LRP6: variants seen among roughly 807,000 people sequenced by gnomAD.
The protein encoded by LRP6 is LDL receptor related protein 6, also known as low-density lipoprotein receptor-related protein 6.
In LRP6, 43 loss-of-function variants were observed where a neutral mutation model predicts 184.1. That is an observed-to-expected ratio of 0.23 (90% confidence interval 0.18 to 0.30). The LOEUF (loss-of-function observed/expected upper bound fraction) is 0.30, where lower values mean the gene tolerates loss of function less well. Ranked by LOEUF, LRP6 falls within the 10% of genes least tolerant of loss-of-function variation. LRP6 has a pLI of 1.00. For synonymous variants in LRP6, 719 were observed against 684.9 expected (o/e 1.05, Z -0.78); for missense variants, 1,571 against 2,005.3 (o/e 0.78, Z 4.14).
At chr12:12,147,644 GT>G (rs1193332136) in intron 14 of LRP6, 88 bp from the exon 15 acceptor site, 1 of 1,061,738 alleles carries the variant, frequency 9.4e-7, no homozygotes, top group African/African-American at 1.6e-5. Flanking sequence ...TGGAGGTAGA[GT>G]ATTTTTAAGT....
chr12:12,161,237 C>T (rs555729326), intron 10 of LRP6, among the ~76,000 whole-genome samples: 26 of 152,266 alleles, frequency 1.7e-4, no homozygotes, highest in Non-Finnish European at 3.1e-4. Context: ...GTAGCAAATA[C>T]AGTAAACATA....
Position 12,120,009 on chromosome 12 carries a change from AT to A in LRP6, c.*1116del, listed in dbSNP as rs1462476361. Reference sequence around the variant, plus strand: ...AAACAAAATATATATATATATATATATATATATATATATATATATATATATA... The same window carrying A: ...AAACAAAATATATATATATATATATAATATATATATATATATATATATATA... On this transcript the variant is annotated 3_prime_UTR_variant, in exon 23 of 23. Coordinates refer to ENST00000261349, the MANE Select transcript of LRP6 (RefSeq NM_002336.3). The A allele has an allele frequency of 4.2e-5, 4 of 94,164 alleles. No individual in the cohort carries two copies. The highest frequency in any genetic ancestry group is 2.0e-4 in the Admixed American group (2 of 10,166). The allele number at this position is 94,164 out of a possible 1,614,324, so 5.8% of individuals were successfully genotyped here.
chr12:12,258,932 G>A (rs1865541659), intron 1 of LRP6, among the ~76,000 whole-genome samples: 1 of 152,074 alleles, frequency 6.6e-6, no homozygotes, highest in African/African-American at 2.4e-5. Context: ...GATAAAGGTA[G>A]GTTTCCAATA....
chr12:12,161,891 TAC>T (rs1371114940), intron 10 of LRP6, among the ~76,000 whole-genome samples: 3 of 152,148 alleles, frequency 2.0e-5, no homozygotes. Context: ...TGCAAGCAAC[TAC>T]AGATGGATAA....
In LRP6 at chr12:12,130,797, T is replaced by A. The variant is rs376168250; in HGVS notation, c.4067A>T (p.Asp1356Val). 3 of 1,608,310 alleles carry A rather than the reference T, an allele frequency of 1.9e-6. No individual in the cohort carries two copies. Among genetic ancestry groups the A allele is most frequent in the Non-Finnish European group, 2.6e-6 (3 of 1,174,724 alleles). ...GTCCTACTTACAACAATCCAGTTCATCTGACTTGTCACTGCAATCCACATT... is the reference window on the plus strand; with the variant it reads ...GTCCTACTTACAACAATCCAGTTCAACTGACTTGTCACTGCAATCCACATT... Reference protein sequence around the residue: ...DHNVDCSDKSDELDCYPTEEP... With the variant: ...DHNVDCSDKSVELDCYPTEEP... The change falls in exon 19 of 23, where the codon GAT (aspartate) becomes GTT (valine). Residue 1356 changes from aspartate to valine, a missense_variant. Transcript: ENST00000261349.
chr12:12,167,580 T>C (rs1862918301), intron 7 of LRP6, among the ~76,000 whole-genome samples: 1 of 151,536 alleles, frequency 6.6e-6, no homozygotes, highest in African/African-American at 2.4e-5. Flanking sequence ...GAGGCAGAGG[T>C]TGCAGTGTGC....
chr12:12,231,080 C>G (rs1162109555), intron 2 of LRP6, among the ~76,000 whole-genome samples: 2 of 140,728 alleles, frequency 1.4e-5, no homozygotes, highest in Admixed American at 1.6e-4. Context: ...ACTTGGGAGG[C>G]TGAGGCAGGA....
rs185858632 is a variant in LRP6, at chr12:12,196,301, C to G, written c.647+6902G>C. 2.4e-3 allele frequency among the ~76,000 whole-genome samples: 361 copies of G among 151,882 alleles called. 3 individuals are homozygous for G. The highest frequency in any genetic ancestry group is 8.5e-3 in the African/African-American group (354 of 41,430). On this transcript the variant is annotated intron_variant, in intron 3 of 22. Transcript: ENST00000261349. ...GCTTTGGGTAGTACGGTCATTTTAA[C>G]TATAATAATTATTCCAATCCATGAG...
intron 2 of LRP6, among the ~76,000 whole-genome samples, chr12:12,207,071 T>C (rs1417145012): frequency 3.3e-5 from 5 of 152,236 alleles, no homozygotes; most frequent in Non-Finnish European, 7.3e-5. Context: ...GGGCTATTCC[T>C]ATCCCCATCT....
At chr12:12,237,543 A>C (rs1410803316) in intron 2 of LRP6, among the ~76,000 whole-genome samples, 2 of 152,246 alleles carry the variant, frequency 1.3e-5, no homozygotes, top group African/African-American at 2.4e-5. Context: ...CAGTGAAAAA[A>C]AAACTAGCAG....
chr12:12,189,795 C>T (rs1458297575), intron 3 of LRP6, among the ~76,000 whole-genome samples: 1 of 152,194 alleles, frequency 6.6e-6, no homozygotes, highest in Admixed American at 6.5e-5. Context: ...GCCACCGAGC[C>T]CGGCCTTAAC....
At position 12,262,385 on chromosome 12, in the gene LRP6, C is replaced by A. The variant is rs559471111; in HGVS notation, c.55+4296G>T. Among the ~76,000 whole-genome samples, 3 of 150,998 alleles carry A rather than the reference C, an allele frequency of 2.0e-5. No homozygotes were observed. The South Asian group carries it at 6.3e-4, about 32-fold the overall frequency. ...CAGGGTGAGATACCGTCTCAAAAAC[C>A]AAAAAAATACAAAAATACAAAAATA... On this transcript the variant is annotated intron_variant, in intron 1 of 22. Transcript: ENST00000261349.
intron 21 of LRP6, 55 bp from the exon 22 acceptor site, chr12:12,124,717 T>C: frequency 8.8e-7 from 1 of 1,140,894 alleles, no homozygotes; most frequent in South Asian, 1.3e-5. Context: ...ACTATCAGAC[T>C]TTCTTTCAAC....
intron 2 of LRP6, among the ~76,000 whole-genome samples, chr12:12,219,755 G>C (rs1476946910): frequency 6.6e-6 from 1 of 152,110 alleles, no homozygotes; most frequent in African/African-American, 2.4e-5. Context: ...TAAAACTAAA[G>C]AAACTGAAAA....
chr12:12,251,619 C>T (rs144601969), intron 1 of LRP6, among the ~76,000 whole-genome samples: 65 of 152,036 alleles, frequency 4.3e-4, no homozygotes, highest in African/African-American at 1.5e-3. Flanking sequence ...CCACCCACCT[C>T]GACCTCCCAA....
Position 12,179,769 on chromosome 12 carries a change from AT to A in LRP6, c.1545+40del. 10 of 1,604,448 alleles carry A rather than the reference AT, an allele frequency of 6.2e-6. 1 individual carries two copies. The highest frequency in any genetic ancestry group is 8.5e-6 in the Non-Finnish European group (10 of 1,172,340). ...TCATTATACTGTCGACTCAAAACCC[AT>A]TATAAAAGTGGCTTGAAAATGAAAA... On this transcript the variant is annotated intron_variant, in intron 7 of 22. Coordinates refer to ENST00000261349, the MANE Select transcript of LRP6 (RefSeq NM_002336.3).
chr12:12,177,185 T>A (rs1330391965), intron 7 of LRP6, among the ~76,000 whole-genome samples: 1 of 151,890 alleles, frequency 6.6e-6, no homozygotes, highest in Non-Finnish European at 1.5e-5. Context: ...GAGAACAGGG[T>A]TATCACAACC....
chr12:12,148,293 C>A (rs1202478320), intron 14 of LRP6, among the ~76,000 whole-genome samples: 2 of 151,922 alleles, frequency 1.3e-5, no homozygotes, highest in South Asian at 2.1e-4. Context: ...ATTTTAAATT[C>A]TTTCTAATTA....
At chr12:12,158,128 G>A (rs556428763) in intron 12 of LRP6, among the ~76,000 whole-genome samples, 1 of 152,034 alleles carries the variant, frequency 6.6e-6, no homozygotes, top group Admixed American at 6.6e-5. Context: ...TCTCATACGC[G>A]TTTTCTGTAT....
Sources: allele counts gnomAD v4.1 joint callset (sites outside exome capture counted in the v4.1 genomes callset), GRCh38; gene constraint gnomAD v4.1.1; transcripts MANE v1.5; gene names NCBI Gene and HGNC (gene_info 2026-07-23, HGNC 2026-07-21).